The following BTBD8 variants were observed in gnomAD, a reference collection of about 807,000 sequenced individuals.
The protein encoded by BTBD8 is BTB/POZ domain-containing protein 8.
BTBD8 carries 110 observed loss-of-function variants against 162.9 expected under a neutral mutation model. The ratio of observed to expected loss-of-function variants is 0.68; its 90% CI spans 0.58 to 0.79. The LOEUF (loss-of-function observed/expected upper bound fraction) is 0.79. BTBD8 is among the 30% of genes least tolerant of loss of function. BTBD8 has a pLI of 0.00. For missense variants in BTBD8, 1,905 were observed against 2,085.4 expected (o/e 0.91, Z 1.68); for synonymous variants, 667 against 716.1 (o/e 0.93, Z 1.10).
intron 5 of BTBD8, among the ~76,000 whole-genome samples, chr1:92,135,265 A>C (rs1250930239): frequency 1.3e-5 from 2 of 151,766 alleles, no homozygotes; most frequent in African/African-American, 2.4e-5. Flanking sequence ...GGCTCACTGC[A>C]ATCTCCACTT....
At position 92,088,089 on chromosome 1, in the gene BTBD8, A is replaced by G. The variant is rs183277262; in HGVS notation, c.150-609A>G. 1.9e-3 allele frequency among the ~76,000 whole-genome samples: 295 copies of G among 152,324 alleles called. 2 individuals are homozygous for G. In the Middle Eastern group the frequency reaches 0.037, roughly 19 times the overall value. On this transcript the variant is annotated intron_variant, in intron 1 of 17. Coordinates refer to ENST00000636805, the MANE Select transcript of BTBD8 (RefSeq NM_001376131.1). ...ATCACGAATCCATCATTTTAATGATAGATTAGAGCATAATTCTATTTGTGG... is the reference window on the plus strand; with the variant it reads ...ATCACGAATCCATCATTTTAATGATGGATTAGAGCATAATTCTATTTGTGG...
At chr1:92,147,916 T>C in intron 9 of BTBD8, 130 bp downstream of exon 9, 1 of 742,852 alleles carries the variant, frequency 1.3e-6, no homozygotes, top group Non-Finnish European at 2.2e-6. Flanking sequence ...CCAATTCAGA[T>C]AACCTAATCC....
At chr1:92,103,507 G>T (rs1312150915) in intron 3 of BTBD8, among the ~76,000 whole-genome samples, 2 of 152,192 alleles carry the variant, frequency 1.3e-5, no homozygotes, top group Non-Finnish European at 2.9e-5. Context: ...GAGCATCTTA[G>T]TGCCAGTTCT....
intron 4 of BTBD8, chr1:92,115,587 G>T (rs958934577): frequency 3.6e-5 from 14 of 384,598 alleles, no homozygotes; most frequent in South Asian, 3.2e-4. Flanking sequence ...GATGGTGATG[G>T]GATTTCCATT....
chr1:92,174,598 T>A lies in BTBD8; in HGVS notation c.1636-2231T>A, dbSNP rs138482120. On this transcript the variant is annotated intron_variant, in intron 13 of 17. Coordinates refer to ENST00000636805, the MANE Select transcript of BTBD8 (RefSeq NM_001376131.1). The stretch of plus-strand genomic sequence containing the variant: ...GGAGTTCTAAAAGCAGAAGTCAGCC[T>A]GGTTTTAGGTATTAAAAATAGAGAA... Among the ~76,000 whole-genome samples the A allele has an allele frequency of 2.7e-3, 406 of 150,170 alleles. 1 individual carries two copies. The highest frequency in any genetic ancestry group is 9.2e-3 in the African/African-American group (374 of 40,738).
intron 9 of BTBD8, among the ~76,000 whole-genome samples, chr1:92,152,851 C>T (rs1167988967): frequency 6.6e-6 from 1 of 152,166 alleles, no homozygotes; most frequent in Non-Finnish European, 1.5e-5. Context: ...AACAGCCAAA[C>T]ATCCAGTCTG....
intron 2 of BTBD8, among the ~76,000 whole-genome samples, chr1:92,092,590 C>A (rs1415994953): frequency 6.6e-6 from 1 of 152,140 alleles, no homozygotes; most frequent in African/African-American, 2.4e-5. Context: ...GTTTAAGCTA[C>A]TCAGTCTATG....
intron 9 of BTBD8, among the ~76,000 whole-genome samples, chr1:92,152,352 C>T (rs557389517): frequency 3.9e-5 from 6 of 152,192 alleles, no homozygotes; most frequent in African/African-American, 9.6e-5. Flanking sequence ...CATGTTAGCA[C>T]TCAGTATGTA....
chr1:92,112,521 G>A (rs1280486905), intron 4 of BTBD8, among the ~76,000 whole-genome samples: 1 of 152,104 alleles, frequency 6.6e-6, no homozygotes, highest in Non-Finnish European at 1.5e-5. Flanking sequence ...TAAAAGATTT[G>A]TGAATTAAAT....
At chr1:92,143,282 T>C (rs1377591530) in intron 7 of BTBD8, among the ~76,000 whole-genome samples, 1 of 152,194 alleles carries the variant, frequency 6.6e-6, no homozygotes, top group Non-Finnish European at 1.5e-5. Flanking sequence ...AATAGTCTTT[T>C]ATGAGTAGTC....
intron 2 of BTBD8, among the ~76,000 whole-genome samples, chr1:92,090,872 C>T (rs1235836552): frequency 1.3e-5 from 2 of 152,116 alleles, no homozygotes; most frequent in African/African-American, 2.4e-5. Context: ...GTGGAGGTTG[C>T]AGTGAGCTGA....
chr1:92,171,952 A>G (rs1650557906), intron 13 of BTBD8, among the ~76,000 whole-genome samples: 1 of 152,116 alleles, frequency 6.6e-6, no homozygotes, highest in African/African-American at 2.4e-5. Flanking sequence ...TTAGCCAGGC[A>G]TGGTGGTGCA....
intron 4 of BTBD8, chr1:92,115,368 A>C: frequency 2.2e-6 from 1 of 461,676 alleles, no homozygotes; most frequent in South Asian, 1.7e-5. Context: ...GACATTGCTG[A>C]TGATCTTGAG....
At chr1:92,157,153 A>G (rs1045602274) in intron 9 of BTBD8, among the ~76,000 whole-genome samples, 6 of 152,058 alleles carry the variant, frequency 3.9e-5, no homozygotes, top group African/African-American at 1.2e-4. Context: ...ATACCTTCTA[A>G]TTTATCCTTT....
intron 5 of BTBD8, among the ~76,000 whole-genome samples, chr1:92,134,321 T>C (rs1557451798): frequency 6.6e-6 from 1 of 152,230 alleles, no homozygotes; most frequent in Non-Finnish European, 1.5e-5. Flanking sequence ...CTTCTCATTA[T>C]AATTATAATT....
intron 1 of BTBD8, among the ~76,000 whole-genome samples, chr1:92,087,156 A>G (rs1077783): frequency 0.12 from 18,963 of 151,824 alleles, 3,576 homozygotes; most frequent in African/African-American, 0.41. Context: ...CAAATAAAAA[A>G]CACTGTATTT....
At chr1:92,098,859 C>T (rs1236333680) in intron 2 of BTBD8, among the ~76,000 whole-genome samples, 1 of 152,142 alleles carries the variant, frequency 6.6e-6, no homozygotes, top group Non-Finnish European at 1.5e-5. Flanking sequence ...GAAGTTTTCT[C>T]TCATTCTCTG....
At chr1:92,146,163 G>T (rs1649913638) in intron 7 of BTBD8, among the ~76,000 whole-genome samples, 1 of 151,844 alleles carries the variant, frequency 6.6e-6, no homozygotes, top group Non-Finnish European at 1.5e-5. Context: ...CTTTAAAAAA[G>T]ATATTTAACC....
rs11166118 is a variant in BTBD8, at chr1:92,080,560, C to T, written c.-12C>T. The T allele has an allele frequency of 4.0e-3, 6,453 of 1,613,312 alleles. 246 individuals are homozygous for T. In the African/African-American group the frequency reaches 0.077, roughly 19 times the overall value. On this transcript the variant is annotated 5_prime_UTR_variant, in exon 1 of 18. Coordinates refer to ENST00000636805, the MANE Select transcript of BTBD8 (RefSeq NM_001376131.1). ...AGTACTGGGCCTCCAGGGCGTCGTA[C>T]CTCTGTGAGACATGGCTCGCTGTGG...
Sources: allele counts gnomAD v4.1 joint callset (sites outside exome capture counted in the v4.1 genomes callset), GRCh38; gene constraint gnomAD v4.1.1; transcripts MANE v1.5; gene names NCBI Gene and HGNC (gene_info 2026-07-23, HGNC 2026-07-21).